The following RPGRIP1L variants were observed in gnomAD, a reference collection of about 807,000 sequenced individuals.
RPGRIP1L encodes protein fantom.
Under a neutral mutation model 160.4 loss-of-function variants are expected in RPGRIP1L, and 131 were observed. The observed-to-expected ratio is 0.82, with a 90% CI of 0.71 to 0.94. The LOEUF is 0.94. Ranked by LOEUF, RPGRIP1L falls within the 40% of genes least tolerant of loss-of-function variation. The probability of loss-of-function intolerance (pLI) is 0.00; values close to 1 mark genes in which losing one functional copy is unlikely to be tolerated. For missense variants in RPGRIP1L, 1,522 were observed against 1,535.8 expected (o/e 0.99, Z 0.15); for synonymous variants, 510 against 515.8 (o/e 0.99, Z 0.15).
intron 17 of RPGRIP1L, among the ~76,000 whole-genome samples, chr16:53,643,408 G>A (rs1365876875): frequency 6.6e-6 from 1 of 152,094 alleles, no homozygotes; most frequent in Admixed American, 6.5e-5. Context: ...AAATGCTCAG[G>A]AGAAATCAAA....
intron 2 of RPGRIP1L, among the ~76,000 whole-genome samples, chr16:53,698,726 A>G (rs1398709958): frequency 1.4e-5 from 2 of 138,764 alleles, no homozygotes; most frequent in Non-Finnish European, 3.1e-5. Context: ...TGGGGGGGTC[A>G]GCACCCCGCC....
intron 24 of RPGRIP1L, among the ~76,000 whole-genome samples, chr16:53,616,031 C>T (rs1964358545): frequency 6.6e-6 from 1 of 152,174 alleles, no homozygotes; most frequent in Admixed American, 6.5e-5. Flanking sequence ...TGGGCCTGAA[C>T]ATACAAGTCT....
At chr16:53,611,923 T>A (rs367875362) in intron 24 of RPGRIP1L, among the ~76,000 whole-genome samples, 35 of 152,330 alleles carry the variant, frequency 2.3e-4, no homozygotes, top group African/African-American at 7.9e-4. Context: ...AGATTATTCC[T>A]GGCCAAAAGC....
intron 9 of RPGRIP1L, among the ~76,000 whole-genome samples, chr16:53,667,361 A>G (rs1168044822): frequency 1.3e-5 from 2 of 152,188 alleles, no homozygotes; most frequent in Non-Finnish European, 2.9e-5. Flanking sequence ...CTTTCCTTCT[A>G]CAGAAGAAAC....
chr16:53,697,414 C>T (rs533688536), intron 2 of RPGRIP1L, among the ~76,000 whole-genome samples: 3 of 151,970 alleles, frequency 2.0e-5, no homozygotes, highest in Non-Finnish European at 2.9e-5. Flanking sequence ...GATGCCAAGC[C>T]GAAGCTGGAC....
intron 2 of RPGRIP1L, among the ~76,000 whole-genome samples, chr16:53,699,561 T>A (rs917382733): frequency 1.3e-5 from 2 of 152,180 alleles, no homozygotes; most frequent in Non-Finnish European, 2.9e-5. Flanking sequence ...TAAATCACTT[T>A]GCACACTTAC....
chr16:53,672,006 CA>C (rs1419294834), intron 8 of RPGRIP1L, among the ~76,000 whole-genome samples: 3 of 151,968 alleles, frequency 2.0e-5, no homozygotes, highest in Admixed American at 6.6e-5. Context: ...GTTCATGGTT[CA>C]AATTGTGTTG....
intron 22 of RPGRIP1L, among the ~76,000 whole-genome samples, chr16:53,629,562 T>C (rs1965384520): frequency 6.6e-6 from 1 of 152,250 alleles, no homozygotes; most frequent in East Asian, 1.9e-4. Context: ...TTCACAATAT[T>C]CATGTTAAAC....
chr16:53,683,027 A>G (rs757883805), intron 6 of RPGRIP1L, among the ~76,000 whole-genome samples: 4 of 152,172 alleles, frequency 2.6e-5, no homozygotes, highest in Non-Finnish European at 5.9e-5. Flanking sequence ...ATTTTTAGAG[A>G]TAACACTAAT....
At chr16:53,602,674 TGAG>T (rs1963442702) in intron 26 of RPGRIP1L, among the ~76,000 whole-genome samples, 1 of 151,446 alleles carries the variant, frequency 6.6e-6, no homozygotes, top group Non-Finnish European at 1.5e-5. Flanking sequence ...ACTCAGAGGC[TGAG>T]GCAGGAGAAT....
At chr16:53,638,711 T>C (rs975462836) in intron 19 of RPGRIP1L, among the ~76,000 whole-genome samples, 3 of 151,846 alleles carry the variant, frequency 2.0e-5, no homozygotes, top group African/African-American at 7.2e-5. Context: ...AAATATGCTA[T>C]ATCCAAATAC....
At chr16:53,613,888 G>A (rs756939688) in intron 24 of RPGRIP1L, among the ~76,000 whole-genome samples, 30 of 152,190 alleles carry the variant, frequency 2.0e-4, no homozygotes, top group Non-Finnish European at 3.7e-4. Flanking sequence ...AAGGTTAGGA[G>A]TTTGCCCAAG....
At chr16:53,673,470 T>C (rs1331766054) in intron 7 of RPGRIP1L, among the ~76,000 whole-genome samples, 1 of 151,954 alleles carries the variant, frequency 6.6e-6, no homozygotes, top group Non-Finnish European at 1.5e-5. Flanking sequence ...GCTTTTAATT[T>C]GCATACAATT....
chr16:53,695,349 G>C (rs751389324), intron 3 of RPGRIP1L: 1 of 702,998 alleles, frequency 1.4e-6, no homozygotes, highest in South Asian at 1.5e-5. Flanking sequence ...CCAGTGGGTT[G>C]TTGAAGTCCA....
rs1178591734 is a variant in RPGRIP1L at position 53,675,032 on chromosome 16, A to G, written c.867T>C (p.Phe289=). 3 of 1,601,454 alleles carry G rather than the reference A, an allele frequency of 1.9e-6. No individual in the cohort carries two copies. The Admixed American group carries it at 5.0e-5, about 27-fold the overall frequency. Residue 289 remains phenylalanine (F), a synonymous_variant, in exon 7 of 27, where the codon TTT becomes TTC. Transcript: ENST00000647211. ...SNALSAMEGK[F]IQLQEKQRTL... is the part of the protein sequence containing the mutation. ...ATCACTGTACCTCTTGAAGCTGAAT[A>G]AATTTTCCTTCCATTGCTGAAAGAG...
In RPGRIP1L at chr16:53,600,592, G is replaced by C. The variant is rs1598195233; in HGVS notation, c.*1484C>G. ...GGATGTCATTTCAAAGCCTTCTAAA[G>C]ACGAGAGTCATTATTGAAGCCATTA... On this transcript the variant is annotated 3_prime_UTR_variant, in exon 27 of 27. Coordinates refer to ENST00000647211, the MANE Select transcript of RPGRIP1L (RefSeq NM_015272.5). 6.6e-6 allele frequency: 1 copy of C among 152,598 alleles called. No homozygotes were observed. Among genetic ancestry groups the C allele is most frequent in the Non-Finnish European group, 1.5e-5 (1 of 68,040 alleles). 9.5% of individuals were successfully genotyped at this position (152,598 alleles called of 1,614,324 possible). A position where few individuals can be genotyped will look rare whatever the true frequency, so the allele number is the denominator to read the frequency against.
chr16:53,690,972 T>C (rs1970344546), intron 4 of RPGRIP1L, among the ~76,000 whole-genome samples: 1 of 152,222 alleles, frequency 6.6e-6, no homozygotes, highest in Non-Finnish European at 1.5e-5. Context: ...CCTTTCATCC[T>C]GCAGCTGCCT....
At chr16:53,637,304 ATTGT>A (rs1965901962) in intron 21 of RPGRIP1L, among the ~76,000 whole-genome samples, 1 of 152,120 alleles carries the variant, frequency 6.6e-6, no homozygotes, top group Non-Finnish European at 1.5e-5. Flanking sequence ...ATTCTTACAG[ATTGT>A]TTGCTTTTAC....
chr16:53,690,014 G>A (rs906767482), intron 4 of RPGRIP1L, among the ~76,000 whole-genome samples: 3 of 152,100 alleles, frequency 2.0e-5, no homozygotes, highest in African/African-American at 7.2e-5. Flanking sequence ...TATAGCACTA[G>A]ATTAGCTTGC....
Sources: allele counts gnomAD v4.1 joint callset (sites outside exome capture counted in the v4.1 genomes callset), GRCh38; gene constraint gnomAD v4.1.1; transcripts MANE v1.5; gene names NCBI Gene and HGNC (gene_info 2026-07-23, HGNC 2026-07-21).